Variants in RASGEF1C observed in about 807,000 individuals in gnomAD.
The protein encoded by RASGEF1C is RasGEF domain family member 1C, also known as ras-GEF domain-containing family member 1C.
Under a neutral mutation model 58.1 loss-of-function variants are expected in RASGEF1C, and 27 were observed. The observed-to-expected ratio is 0.46, with a 90% CI of 0.34 to 0.64. The LOEUF is 0.64. RASGEF1C is among the 30% of genes least tolerant of loss of function. RASGEF1C has a pLI of 0.01. For synonymous variants in RASGEF1C, 243 were observed against 246.3 expected (o/e 0.99, Z 0.13); for missense variants, 502 against 605.1 (o/e 0.83, Z 1.79).
At chr5:180,104,190 T>C (rs1765841299) in intron 12 of RASGEF1C, among the ~76,000 whole-genome samples, 1 of 152,208 alleles carries the variant, frequency 6.6e-6, no homozygotes, top group Non-Finnish European at 1.5e-5. Flanking sequence ...AGGGTTTGAA[T>C]GTTTGTGCCC....
rs866608896 is a variant in RASGEF1C, at chr5:180,145,214, G to A, written c.-6-7156C>T. Among the ~76,000 whole-genome samples, 25 of 152,218 alleles carry A rather than the reference G, an allele frequency of 1.6e-4. 1 individual carries two copies. Among genetic ancestry groups the A allele is most frequent in the African/African-American group, 5.1e-4 (21 of 41,538 alleles). ...CAGCTCACTGCAACCTCTGCCTCCC[G>A]GGTTCAAGCGATTCTCCTGCCTCAG... is the stretch of plus-strand genomic sequence containing the variant. On this transcript the variant is annotated intron_variant, in intron 1 of 13. Transcript: ENST00000361132.
intron 12 of RASGEF1C, among the ~76,000 whole-genome samples, chr5:180,103,229 C>T (rs948458359): frequency 2.0e-5 from 3 of 152,172 alleles, no homozygotes; most frequent in Non-Finnish European, 4.4e-5. Flanking sequence ...AGGTACCCAC[C>T]ACCACGCCCG....
At chr5:180,164,885 C>A (rs72821980) in intron 1 of RASGEF1C, among the ~76,000 whole-genome samples, 3 of 152,146 alleles carry the variant, frequency 2.0e-5, no homozygotes, top group African/African-American at 7.2e-5. Context: ...TCTATATTTG[C>A]GGATTTGTCT....
rs1246286859 is a variant in RASGEF1C at position 180,136,523 on chromosome 5, C to G, written c.301-8G>C. On this transcript the variant is annotated splice_region_variant and splice_polypyrimidine_tract_variant and intron_variant, in intron 3 of 13. Transcript: ENST00000361132. ...GAACTTCCGGACCCGGGCCTACGGG[C>G]AAGCGAGGGGCACCGCGCTCGTGAG... 1 of 1,570,366 alleles carries G rather than the reference C, an allele frequency of 6.4e-7. No homozygotes were observed. Among genetic ancestry groups the G allele is most frequent in the South Asian group, 1.2e-5 (1 of 85,674 alleles).
intron 10 of RASGEF1C, among the ~76,000 whole-genome samples, chr5:180,116,603 C>A (rs1766072557): frequency 6.6e-6 from 1 of 152,256 alleles, no homozygotes; most frequent in Non-Finnish European, 1.5e-5. Flanking sequence ...TGCACAGCAT[C>A]CCAGCACCCA....
At chr5:180,181,558 T>C (rs375549671) in intron 1 of RASGEF1C, among the ~76,000 whole-genome samples, 6 of 152,266 alleles carry the variant, frequency 3.9e-5, no homozygotes, top group East Asian at 1.9e-4. Context: ...AAGAGCACCA[T>C]GTGACACTGA....
At chr5:180,146,826 A>G (rs1047265317) in intron 1 of RASGEF1C, among the ~76,000 whole-genome samples, 1 of 152,196 alleles carries the variant, frequency 6.6e-6, no homozygotes, top group African/African-American at 2.4e-5. Context: ...GACCTCATAA[A>G]ATGAGTTAGG....
chr5:180,208,706 A>C (rs916820879), intron 1 of RASGEF1C, among the ~76,000 whole-genome samples: 1 of 151,946 alleles, frequency 6.6e-6, no homozygotes, highest in African/African-American at 2.4e-5. Context: ...GCTTTGGTCT[A>C]GGCTGGCTCT....
intron 1 of RASGEF1C, among the ~76,000 whole-genome samples, chr5:180,201,537 G>A (rs745934511): frequency 2.0e-5 from 3 of 152,076 alleles, no homozygotes; most frequent in South Asian, 4.1e-4. Context: ...ACATCTCTAA[G>A]TTAACAGATA....
At chr5:180,116,325 G>A (rs1406212363) in intron 10 of RASGEF1C, among the ~76,000 whole-genome samples, 2 of 151,966 alleles carry the variant, frequency 1.3e-5, no homozygotes, top group African/African-American at 4.8e-5. Flanking sequence ...GGCAGTTGCC[G>A]CCCACAGACA....
chr5:180,160,876 C>T (rs902041299), intron 1 of RASGEF1C, among the ~76,000 whole-genome samples: 5 of 152,304 alleles, frequency 3.3e-5, no homozygotes, highest in African/African-American at 7.2e-5. Flanking sequence ...GATTTTTGCA[C>T]GCACCTTTAG....
chr5:180,119,192 C>T (rs920810051), intron 8 of RASGEF1C, among the ~76,000 whole-genome samples, 154 bp downstream of exon 8: 6 of 152,230 alleles, frequency 3.9e-5, no homozygotes, highest in African/African-American at 1.2e-4. Flanking sequence ...GAGGTGGGGA[C>T]ATGGGGCTGC....
intron 1 of RASGEF1C, among the ~76,000 whole-genome samples, chr5:180,140,949 A>T (rs1766568061): frequency 6.6e-6 from 1 of 152,126 alleles, no homozygotes; most frequent in Admixed American, 6.5e-5. Flanking sequence ...GGAGTGACTG[A>T]GTTGGGGTCA....
intron 1 of RASGEF1C, among the ~76,000 whole-genome samples, chr5:180,185,263 C>A (rs1014783695): frequency 9.6e-4 from 140 of 145,732 alleles, no homozygotes; most frequent in Non-Finnish European, 2.2e-4. Context: ...TGCACTCCAG[C>A]CTGAGTGACA....
intron 1 of RASGEF1C, among the ~76,000 whole-genome samples, chr5:180,199,008 C>G (rs757286503): frequency 2.6e-5 from 4 of 152,094 alleles, no homozygotes; most frequent in Admixed American, 6.6e-5. Context: ...AGTACCACAG[C>G]ACATCCTGGC....
intron 1 of RASGEF1C, among the ~76,000 whole-genome samples, chr5:180,178,907 G>T (rs75794766): frequency 2.4e-4 from 36 of 152,270 alleles, no homozygotes; most frequent in Middle Eastern, 3.4e-3. Flanking sequence ...ATGTTCTTGG[G>T]GGGGGAGGGG....
In RASGEF1C at chr5:180,168,647, C is replaced by T. The variant is rs1202536684; in HGVS notation, c.-6-30589G>A. ...GGGGGTCAGAGAGTGAAAGAGAAGC[C>T]GGGAGTTCATCTTCCTTGAGGCAAC... is the stretch of plus-strand genomic sequence containing the variant. On this transcript the variant is annotated intron_variant, in intron 1 of 13. Transcript: ENST00000361132. The surrounding 1 kb of genome is among the most constrained non-coding windows in gnomAD (Gnocchi z 6.0). 4.6e-5 allele frequency among the ~76,000 whole-genome samples: 7 copies of T among 152,040 alleles called. No individual in the cohort carries two copies. Among genetic ancestry groups the T allele is most frequent in the South Asian group, 2.1e-4 (1 of 4,828 alleles).
chr5:180,113,078 G>A lies in RASGEF1C; in HGVS notation c.1179+1368C>T, dbSNP rs537913415. ...GGGATCCGGGCTGGACGGAGGGACC[G>A]GGGATGGACAGAGGGACTGGGGATG... On this transcript the variant is annotated intron_variant, in intron 11 of 13. Transcript: ENST00000361132. 2.1e-4 allele frequency among the ~76,000 whole-genome samples: 29 copies of A among 138,974 alleles called. 4 individuals are homozygous for A. The highest frequency in any genetic ancestry group is 4.1e-4 in the Non-Finnish European group (26 of 63,764). The allele number at this position is 138,974 out of a possible 152,430, so 91.2% of individuals were successfully genotyped here. A position where few individuals can be genotyped will look rare whatever the true frequency, so the allele number is the denominator to read the frequency against.
chr5:180,124,935 C>G (rs1294118270), intron 6 of RASGEF1C, among the ~76,000 whole-genome samples: 2 of 152,084 alleles, frequency 1.3e-5, no homozygotes, highest in Non-Finnish European at 2.9e-5. Context: ...AGTTCTAGAC[C>G]AGTCTGGGCA....
Sources: gnomAD v4.1 joint callset for allele counts (sites outside exome capture counted in the v4.1 genomes callset) on GRCh38, gnomAD v4.1.1 for gene constraint, Gnocchi (gnomAD v3.1) non-coding constraint, MANE v1.5 for transcripts, NCBI Gene and HGNC (gene_info 2026-07-23, HGNC 2026-07-21) for gene names.